Variants in BLM observed in about 807,000 individuals in gnomAD.
BLM encodes the protein recQ-like DNA helicase BLM.
BLM carries 95 observed loss-of-function variants against 135.3 expected under a neutral mutation model. The ratio of observed to expected loss-of-function variants is 0.70; its 90% CI spans 0.59 to 0.83. BLM has a LOEUF of 0.83. BLM is among the 40% of genes least tolerant of loss of function. The pLI, the probability that BLM is intolerant of heterozygous loss-of-function variation, is 0.00. For synonymous variants in BLM, 520 were observed against 589.2 expected (o/e 0.88, Z 1.70); for missense variants, 1,518 against 1,663.9 (o/e 0.91, Z 1.53).
In BLM at chr15:90,804,191, T is replaced by A. The variant is rs1426895981; in HGVS notation, c.3583T>A (p.Ser1195Thr). 1 of 1,613,982 alleles carries A rather than the reference T, an allele frequency of 6.2e-7. No homozygotes were observed. The highest frequency in any genetic ancestry group is 2.2e-5 in the East Asian group (1 of 44,880). The change falls in exon 19 of 22, where the codon TCC becomes ACC. Residue 1195 changes from serine to threonine, a missense_variant. Physicochemically the swap from Ser to Thr is moderately conservative, Grantham distance 58. This residue lies in a region of BLM where 626 missense variants were observed against 681.1 expected (regional missense o/e 0.92). Coordinates refer to ENST00000355112, the MANE Select transcript of BLM (RefSeq NM_000057.4). ...LKVDFMETENSSSVKKQKALV... is the reference protein window; with the variant it reads ...LKVDFMETENTSSVKKQKALV... ...GGTAGACTTTATGGAAACAGAAAAT[T>A]CCAGCAGTGTGAAAAAACAAAAAGC...
intron 1 of BLM, among the ~76,000 whole-genome samples, chr15:90,733,080 G>A (rs2151133853): frequency 6.6e-6 from 1 of 151,896 alleles, no homozygotes; most frequent in African/African-American, 2.4e-5. Flanking sequence ...GTGACAGAGT[G>A]AGACTATGTC....
At chr15:90,731,461 A>G (rs905485875) in intron 1 of BLM, among the ~76,000 whole-genome samples, 4 of 152,192 alleles carry the variant, frequency 2.6e-5, no homozygotes, top group African/African-American at 9.7e-5. Context: ...TTTTACTGCC[A>G]TAAGTGCTTA....
intron 1 of BLM, among the ~76,000 whole-genome samples, chr15:90,719,289 A>G (rs1264411135): frequency 6.6e-6 from 1 of 152,104 alleles, no homozygotes; most frequent in African/African-American, 2.4e-5. Context: ...GCGCCCGGCC[A>G]TGAGTGAGAT....
intron 8 of BLM, among the ~76,000 whole-genome samples, chr15:90,764,814 G>T (rs999009986): frequency 5.3e-5 from 8 of 152,112 alleles, no homozygotes; most frequent in Non-Finnish European, 1.0e-4. Flanking sequence ...GGGCGCAGTG[G>T]CTTGTGCCTA....
intron 16 of BLM, among the ~76,000 whole-genome samples, chr15:90,796,397 C>G (rs956268713): frequency 6.6e-6 from 1 of 152,160 alleles, no homozygotes; most frequent in Non-Finnish European, 1.5e-5. Context: ...AGTAAACTTG[C>G]TTTTAAAGGG....
At chr15:90,738,257 A>G (rs1176092031) in intron 1 of BLM, among the ~76,000 whole-genome samples, 4 of 152,208 alleles carry the variant, frequency 2.6e-5, no homozygotes, top group Admixed American at 6.5e-5. Context: ...ATTTTCCTCA[A>G]GCTCTTCCAA....
rs374105075 is a variant in BLM, at chr15:90,794,208, A to G, written c.3061A>G (p.Asn1021Asp). Residue 1021 changes from asparagine to aspartate, a missense_variant, in exon 16 of 22, where the codon AAT (asparagine) becomes GAT (aspartate). By Grantham distance (23) the Asn-to-Asp change is conservative (BLOSUM62 1). This residue lies in a region of BLM where 626 missense variants were observed against 681.1 expected (regional missense o/e 0.92). Coordinates refer to ENST00000355112, the MANE Select transcript of BLM (RefSeq NM_000057.4). ...CCATCATACAAGAGAAACTCACTTC[A>G]ATAATTTGTATAGCATGGTACATTA... ...GNHHTRETHF[N>D]NLYSMVHYCE... The G allele has an allele frequency of 3.7e-6, 6 of 1,606,402 alleles. No individual in the cohort carries two copies. Among genetic ancestry groups the G allele is most frequent in the Non-Finnish European group, 4.3e-6 (5 of 1,175,444 alleles).
chr15:90,719,755 C>T (rs972698910), intron 1 of BLM, among the ~76,000 whole-genome samples: 1 of 151,920 alleles, frequency 6.6e-6, no homozygotes, highest in African/African-American at 2.4e-5. Flanking sequence ...TTTTAATTTA[C>T]ATATATATGT....
chr15:90,790,775 G>A lies in BLM; in HGVS notation c.2950G>A (p.Gly984Arg), dbSNP rs755784410. 6.2e-6 allele frequency: 10 copies of A among 1,614,036 alleles called. No individual in the cohort carries two copies. In the African/African-American group the frequency reaches 1.1e-4, roughly 17 times the overall value. The change falls in exon 15 of 22, where the codon GGG becomes AGG. Residue 984 changes from glycine (G) to arginine (R), a missense_variant. By Grantham distance (125) the Gly-to-Arg change is moderately radical (BLOSUM62 -2). Coordinates refer to ENST00000355112, the MANE Select transcript of BLM (RefSeq NM_000057.4). Reference sequence around the variant, plus strand: ...AGAATCTGGCAGAGCTGGAAGAGATGGGGAAATATCTCACTGCCTGCTTTT... The same window carrying A: ...AGAATCTGGCAGAGCTGGAAGAGATAGGGAAATATCTCACTGCCTGCTTTT... ...YQESGRAGRD[G>R]EISHCLLFYT...
rs199927688 is a variant in BLM, at chr15:90,749,472, C to T, written c.204C>T (p.Thr68=). Reference sequence around the variant, plus strand: ...TAAGAAATAAAGATGTTAATGTTACCGAAGACTTTTCCTTCAGTGAACCTC... The same window carrying T: ...TAAGAAATAAAGATGTTAATGTTACTGAAGACTTTTCCTTCAGTGAACCTC... The part of the protein sequence containing the change: ...PVLRNKDVNV[T]EDFSFSEPLP... Residue 68 remains threonine (T), a synonymous_variant, in exon 3 of 22, where the codon ACC becomes ACT. Coordinates refer to ENST00000355112, the MANE Select transcript of BLM (RefSeq NM_000057.4). 1.1e-4 allele frequency: 173 copies of T among 1,613,030 alleles called. 1 individual carries two copies. The South Asian group carries it at 1.6e-3, about 15-fold the overall frequency.
chr15:90,759,746 A>T (rs1596228071), intron 5 of BLM, among the ~76,000 whole-genome samples: 1 of 152,142 alleles, frequency 6.6e-6, no homozygotes, highest in African/African-American at 2.4e-5. Flanking sequence ...AGCTGGGATT[A>T]CAGACACGCA....
chr15:90,747,658 C>T (rs1243414286), intron 2 of BLM, 168 bp downstream of exon 2: 1 of 613,988 alleles, frequency 1.6e-6, no homozygotes, highest in East Asian at 2.8e-5. Context: ...TTTAGCAGCA[C>T]CAGGTGAGAT....
Position 90,770,869 on chromosome 15 carries a change from C to T in BLM, c.2555+1283C>T, listed in dbSNP as rs751211263. 2.2e-4 allele frequency among the ~76,000 whole-genome samples: 34 copies of T among 152,222 alleles called. 1 individual carries two copies. The highest frequency in any genetic ancestry group is 2.9e-4 in the Non-Finnish European group (20 of 68,040). ...TGAATGGGTCATGTGATTAAGATAGCTACAAAAGCTTTTGCAGGTTAAACT... is the reference window on the plus strand; with the variant it reads ...TGAATGGGTCATGTGATTAAGATAGTTACAAAAGCTTTTGCAGGTTAAACT... On this transcript the variant is annotated intron_variant, in intron 12 of 21. Coordinates refer to ENST00000355112, the MANE Select transcript of BLM (RefSeq NM_000057.4).
At chr15:90,782,997 T>C in intron 13 of BLM, 69 bp downstream of exon 13, 2 of 1,215,376 alleles carry the variant, frequency 1.6e-6, no homozygotes, top group South Asian at 2.5e-5. Context: ...ATAAGATATA[T>C]AAAATTGCAT....
At chr15:90,746,151 C>T (rs539400898) in intron 1 of BLM, among the ~76,000 whole-genome samples, 2 of 152,244 alleles carry the variant, frequency 1.3e-5, no homozygotes, top group South Asian at 2.1e-4. Context: ...GAAATGTCAC[C>T]ATTTTGGAGG....
intron 4 of BLM, among the ~76,000 whole-genome samples, chr15:90,753,958 G>A (rs931093786): frequency 1.3e-5 from 2 of 152,122 alleles, no homozygotes; most frequent in Admixed American, 1.3e-4. Flanking sequence ...ATATTAAAAA[G>A]TTACACTGTT....
Position 90,815,343 on chromosome 15 carries a change from A to G in BLM, c.*64A>G. The G allele has an allele frequency of 6.4e-7, 1 of 1,550,840 alleles. No individual in the cohort carries two copies. Among genetic ancestry groups the G allele is most frequent in the Non-Finnish European group, 8.9e-7 (1 of 1,124,004 alleles). On this transcript the variant is annotated 3_prime_UTR_variant, in exon 22 of 22. Transcript: ENST00000355112. The surrounding 1 kb of genome is among the most constrained non-coding windows in gnomAD (Gnocchi z 4.6). Reference sequence around the variant, plus strand: ...TGTCAGCATCTGACCATCTGTGACTATAAAGCTGTTATTCTTGTTATACCA... The same window carrying G: ...TGTCAGCATCTGACCATCTGTGACTGTAAAGCTGTTATTCTTGTTATACCA...
chr15:90,740,929 A>G lies in BLM; in HGVS notation c.-4-6460A>G, dbSNP rs28745022. On this transcript the variant is annotated intron_variant, in intron 1 of 21. Coordinates refer to ENST00000355112, the MANE Select transcript of BLM (RefSeq NM_000057.4). ...CCATTAAACCTCTTTTTCTTTATAA[A>G]TTACCCACTCTCAGGTGTTTCTTCA... Among the ~76,000 whole-genome samples the G allele has an allele frequency of 1.4e-3, 217 of 152,222 alleles. 2 individuals carry two copies. Among genetic ancestry groups the G allele is most frequent in the Admixed American group, 0.013 (205 of 15,290 alleles).
intron 12 of BLM, among the ~76,000 whole-genome samples, 189 bp from the exon 13 acceptor site, chr15:90,782,633 T>C (rs1429737728): frequency 3.3e-5 from 5 of 152,176 alleles, no homozygotes; most frequent in Non-Finnish European, 5.9e-5. Context: ...GCAAGGTCTC[T>C]ACTTATTTTT....
Sources: gnomAD v4.1 joint callset for allele counts (sites outside exome capture counted in the v4.1 genomes callset) on GRCh38, gnomAD v4.1.1 for gene constraint, gnomAD v4.1.1 regional missense constraint, Gnocchi (gnomAD v3.1) non-coding constraint, MANE v1.5 for transcripts, NCBI Gene and HGNC (gene_info 2026-07-23, HGNC 2026-07-21) for gene names.